Variants in WDR48 observed in about 807,000 individuals in gnomAD.
The protein encoded by WDR48 is WD repeat-containing protein 48.
WDR48 carries 22 observed loss-of-function variants against 94.0 expected under a neutral mutation model. The observed-to-expected ratio is 0.23, with a 90% CI of 0.17 to 0.33. WDR48 has a LOEUF of 0.33. Among genes scored for constraint, WDR48 ranks in the 10% least tolerant of loss-of-function variants. WDR48 has a pLI of 1.00. For synonymous variants in WDR48, 278 were observed against 280.5 expected, an observed-to-expected ratio of 0.99 and a Z score of 0.09; for missense variants, 541 against 813.8, an observed-to-expected ratio of 0.66 and a Z score of 4.08.
chr3:39,065,057 T>G (rs1361987361), intron 2 of WDR48, among the ~76,000 whole-genome samples: 1 of 152,228 alleles, frequency 6.6e-6, no homozygotes, highest in Admixed American at 6.5e-5. Context: ...GCATTATTTG[T>G]CAAACAGACT....
chr3:39,094,893 ATC>A lies in WDR48; in HGVS notation c.*151_*152del, dbSNP rs1186068662. The stretch of plus-strand genomic sequence containing the variant: ...GATTATCTTTCAATTGAAGTGACTA[ATC>A]GAGATGTAATATAGAAACCAGTCTC... On this transcript the variant is annotated 3_prime_UTR_variant, in exon 19 of 19. Transcript: ENST00000302313. 2.0e-6 allele frequency: 2 copies of A among 1,020,854 alleles called. No individual in the cohort carries two copies. The highest frequency in any genetic ancestry group is 3.2e-5 in the African/African-American group (2 of 61,974). The allele number at this position is 1,020,854 out of a possible 1,614,324, so 63.2% of individuals were successfully genotyped here.
intron 13 of WDR48, 148 bp from the exon 14 acceptor site, chr3:39,085,367 C>CTTTA: frequency 3.0e-6 from 2 of 672,098 alleles, no homozygotes; most frequent in East Asian, 5.6e-5. Flanking sequence ...GGCAAAATGA[C>CTTTA]TAAAGTCTTT....
intron 11 of WDR48, among the ~76,000 whole-genome samples, chr3:39,081,135 T>G (rs1216322194): frequency 6.6e-6 from 1 of 151,972 alleles, no homozygotes; most frequent in Non-Finnish European, 1.5e-5. Context: ...ATGAGCACCA[T>G]AGGAAAGGTT....
intron 14 of WDR48, among the ~76,000 whole-genome samples, chr3:39,086,665 G>A (rs1160071179): frequency 6.6e-6 from 1 of 152,154 alleles, no homozygotes; most frequent in Non-Finnish European, 1.5e-5. Flanking sequence ...TTCTGGGGTG[G>A]GCTCTGCTGC....
chr3:39,073,694 C>T (rs1345793243), intron 7 of WDR48, among the ~76,000 whole-genome samples: 2 of 152,136 alleles, frequency 1.3e-5, no homozygotes, highest in Non-Finnish European at 2.9e-5. Context: ...TGTGCTCAGC[C>T]CTAATTTGTG....
intron 14 of WDR48, among the ~76,000 whole-genome samples, chr3:39,086,980 A>T (rs1476919068): frequency 2.0e-5 from 3 of 152,180 alleles, no homozygotes; most frequent in Non-Finnish European, 4.4e-5. Flanking sequence ...GAGCAGCTCT[A>T]CTATTCAGGG....
At chr3:39,061,452 G>A (rs945180431) in intron 1 of WDR48, among the ~76,000 whole-genome samples, 1 of 152,138 alleles carries the variant, frequency 6.6e-6, no homozygotes, top group Non-Finnish European at 1.5e-5. Context: ...TGGCTGCATA[G>A]TATTCCATGG....
rs2035344041 is a variant in WDR48 at position 39,096,513 on chromosome 3, C to G, written c.*1770C>G. The G allele has an allele frequency of 6.6e-6, 1 of 152,180 alleles. No individual in the cohort carries two copies. The highest frequency in any genetic ancestry group is 2.1e-4 in the South Asian group (1 of 4,834). The allele number at this position is 152,180 out of a possible 1,614,324, so 9.4% of individuals were successfully genotyped here. On this transcript the variant is annotated 3_prime_UTR_variant, in exon 19 of 19. Coordinates refer to ENST00000302313, the MANE Select transcript of WDR48 (RefSeq NM_020839.4). ...AAGCCTTGGGTGGCTGCATTCCCCT[C>G]CTGTCATAGATCTGACCCCCAGCAT...
chr3:39,059,468 G>A (rs544823446), intron 1 of WDR48, among the ~76,000 whole-genome samples: 64 of 152,208 alleles, frequency 4.2e-4, no homozygotes, highest in Admixed American at 8.5e-4. Flanking sequence ...TAAATTTTGT[G>A]AAAAGCCATT....
At position 39,078,021 on chromosome 3, in the gene WDR48, A is replaced by C. The variant is rs2034316528; in HGVS notation, c.973-116A>C. On this transcript the variant is annotated intron_variant, in intron 9 of 18. Transcript: ENST00000302313. ...TGACCAAATATTTTTCGGTTGATGT[A>C]GTGGTTGTTGAGGTTTTCTTGTTTG... 4.3e-6 allele frequency: 3 copies of C among 701,724 alleles called. No individual in the cohort carries two copies. The Admixed American group carries it at 8.4e-5, about 20-fold the overall frequency. 43.5% of individuals were successfully genotyped at this position (701,724 alleles called of 1,614,324 possible).
chr3:39,068,881 T>A (rs1559606619), intron 6 of WDR48, 22 bp downstream of exon 6: 1 of 1,518,666 alleles, frequency 6.6e-7, no homozygotes, highest in Admixed American at 2.0e-5. Flanking sequence ...CTTATTTCTT[T>A]ATTTAAAAAA....
At chr3:39,092,225 GT>G (rs1341318143) in intron 17 of WDR48, among the ~76,000 whole-genome samples, 1 of 152,158 alleles carries the variant, frequency 6.6e-6, no homozygotes, top group Non-Finnish European at 1.5e-5. Flanking sequence ...TTAATTCACA[GT>G]TTAGGACCCA....
At chr3:39,069,579 T>C in intron 6 of WDR48, 64 bp from the exon 7 acceptor site, 4 of 1,346,330 alleles carry the variant, frequency 3.0e-6, no homozygotes, top group Non-Finnish European at 4.2e-6. Flanking sequence ...TTATGAGAGT[T>C]GTCTGTTATT....
In WDR48 at chr3:39,089,287, T is replaced by C; in HGVS notation, c.1637T>C (p.Val546Ala). ...ETESMLLNET[V>A]PQWVIDITVD... ...GAGTCTATGCTTCTTAATGAAACAG[T>C]GCCACAATGGGTAATTGACATCACT... The change falls in exon 16 of 19, where the codon GTG becomes GCG. Residue 546 changes from valine to alanine, a missense_variant. Transcript: ENST00000302313. The C allele has an allele frequency of 6.2e-7, 1 of 1,613,598 alleles. No individual in the cohort carries two copies. Among genetic ancestry groups the C allele is most frequent in the Non-Finnish European group, 8.5e-7 (1 of 1,179,760 alleles).
At chr3:39,075,920 T>G (rs1042066265) in intron 8 of WDR48, among the ~76,000 whole-genome samples, 2 of 152,024 alleles carry the variant, frequency 1.3e-5, no homozygotes, top group African/African-American at 4.8e-5. Context: ...ATGGTATCGA[T>G]CTCCTGACCT....
chr3:39,074,560 G>A (rs2034113179), intron 7 of WDR48, among the ~76,000 whole-genome samples, 166 bp from the exon 8 acceptor site: 1 of 152,172 alleles, frequency 6.6e-6, no homozygotes, highest in Admixed American at 6.5e-5. Context: ...CATAAATTTG[G>A]TCACTTTAGC....
chr3:39,074,667 A>C (rs2034119490), intron 7 of WDR48, 59 bp from the exon 8 acceptor site: 2 of 1,571,106 alleles, frequency 1.3e-6, no homozygotes, highest in Non-Finnish European at 1.7e-6. Context: ...GTCAAGTGCA[A>C]AGCACAAGAA....
rs1285725734 is a variant in WDR48, at chr3:39,052,152, C to T, written c.48+79C>T. The stretch of plus-strand genomic sequence containing the variant: ...ACTCCAGCTAGAAGGTGCCCGGCGC[C>T]ACGACCAGCTGGGGTAGCGGCATGG... On this transcript the variant is annotated intron_variant, in intron 1 of 18. Coordinates refer to ENST00000302313, the MANE Select transcript of WDR48 (RefSeq NM_020839.4). 59 of 1,570,776 alleles carry T rather than the reference C, an allele frequency of 3.8e-5. No individual in the cohort carries two copies. In the East Asian group the frequency reaches 9.1e-4, roughly 24 times the overall value.
intron 8 of WDR48, among the ~76,000 whole-genome samples, chr3:39,076,637 A>G (rs1325738451): frequency 6.6e-6 from 1 of 152,198 alleles, no homozygotes; most frequent in African/African-American, 2.4e-5. Context: ...GCACATAAAC[A>G]TATTCTTATA....
Sources: gnomAD v4.1 joint callset for allele counts (sites outside exome capture counted in the v4.1 genomes callset) on GRCh38, gnomAD v4.1.1 for gene constraint, MANE v1.5 for transcripts, NCBI Gene and HGNC (gene_info 2026-07-23, HGNC 2026-07-21) for gene names.